The following AUH variants were observed in gnomAD, a reference collection of about 807,000 sequenced individuals.
AUH encodes the protein methylglutaconyl-CoA hydratase, mitochondrial.
AUH carries 29 observed loss-of-function variants against 42.3 expected under a neutral mutation model. The ratio of observed to expected loss-of-function variants is 0.69; its 90% CI spans 0.51 to 0.93. AUH has a LOEUF of 0.93. AUH is among the 40% of genes least tolerant of loss of function. The probability of loss-of-function intolerance (pLI) is 0.00; values close to 1 mark genes in which losing one functional copy is unlikely to be tolerated. For synonymous variants in AUH, 174 were observed against 166.4 expected (o/e 1.05, Z -0.35); for missense variants, 452 against 438.1 (o/e 1.03, Z -0.28).
intron 6 of AUH, among the ~76,000 whole-genome samples, chr9:91,276,919 C>G (rs1285544936): frequency 2.6e-5 from 4 of 152,142 alleles, no homozygotes; most frequent in Non-Finnish European, 5.9e-5. Flanking sequence ...ATGTATTATA[C>G]AACACCTGTA....
chr9:91,294,118 T>A (rs1485611346), intron 6 of AUH, among the ~76,000 whole-genome samples: 3 of 152,220 alleles, frequency 2.0e-5, no homozygotes, highest in Non-Finnish European at 2.9e-5. Flanking sequence ...AAAATATTAC[T>A]GTTCAGTGAC....
At chr9:91,233,358 A>G (rs1587655547) in intron 6 of AUH, among the ~76,000 whole-genome samples, 1 of 152,162 alleles carries the variant, frequency 6.6e-6, no homozygotes, top group South Asian at 2.1e-4. Flanking sequence ...GTGGAGCACA[A>G]GGAGGTCCAG....
chr9:91,302,783 A>G (rs567793882), intron 4 of AUH, among the ~76,000 whole-genome samples: 3 of 152,322 alleles, frequency 2.0e-5, no homozygotes, highest in Admixed American at 2.0e-4. Flanking sequence ...AAAAGGAAAA[A>G]AAATGTTAAT....
chr9:91,339,337 T>C (rs935200635), intron 3 of AUH, among the ~76,000 whole-genome samples: 16 of 152,216 alleles, frequency 1.1e-4, no homozygotes, highest in Admixed American at 8.5e-4. Context: ...GTACTGTCAA[T>C]AGGTAATAAG....
intron 4 of AUH, among the ~76,000 whole-genome samples, chr9:91,318,668 T>C (rs1829342535): frequency 1.3e-5 from 2 of 152,288 alleles, no homozygotes; most frequent in South Asian, 4.1e-4. Context: ...CTGCGACTGA[T>C]TTGGCATGGT....
intron 7 of AUH, chr9:91,218,580 C>T: frequency 3.4e-5 from 33 of 978,266 alleles, no homozygotes; most frequent in Non-Finnish European, 4.0e-5. Flanking sequence ...GCTGCTGGTC[C>T]ACAGACCACA....
intron 6 of AUH, among the ~76,000 whole-genome samples, chr9:91,280,716 A>G (rs572875369): frequency 6.6e-6 from 1 of 152,334 alleles, no homozygotes; most frequent in Non-Finnish European, 1.5e-5. Flanking sequence ...ATTCAAATAT[A>G]CACACTGAGG....
chr9:91,335,432 T>C (rs1303386733), intron 3 of AUH, among the ~76,000 whole-genome samples: 1 of 152,232 alleles, frequency 6.6e-6, no homozygotes, highest in African/African-American at 2.4e-5. Flanking sequence ...ATATTGTGTA[T>C]TTTTTCCCTC....
intron 4 of AUH, among the ~76,000 whole-genome samples, chr9:91,300,846 C>T (rs1387520530): frequency 6.6e-6 from 1 of 152,216 alleles, no homozygotes; most frequent in Non-Finnish European, 1.5e-5. Flanking sequence ...GAATGCCTAG[C>T]TAGCCCCTAC....
chr9:91,308,590 T>C (rs1828415728), intron 4 of AUH, among the ~76,000 whole-genome samples: 1 of 152,186 alleles, frequency 6.6e-6, no homozygotes, highest in Non-Finnish European at 1.5e-5. Context: ...AAATTTCTAA[T>C]AATTACATCA....
At chr9:91,349,703 CAG>C (rs202214647) in intron 3 of AUH, among the ~76,000 whole-genome samples, 14,067 of 135,274 alleles carry the variant, frequency 0.1, 925 homozygotes, top group East Asian at 0.34. Flanking sequence ...CACACACACA[CAG>C]AGAGAAGAGA....
chr9:91,349,281 T>C (rs918362550), intron 3 of AUH, among the ~76,000 whole-genome samples: 3 of 152,242 alleles, frequency 2.0e-5, no homozygotes, highest in African/African-American at 4.8e-5. Context: ...TACTTTTTTA[T>C]AAAACCCACA....
At chr9:91,268,867 A>C (rs1427476947) in intron 6 of AUH, among the ~76,000 whole-genome samples, 9 of 152,268 alleles carry the variant, frequency 5.9e-5, no homozygotes, top group Non-Finnish European at 1.3e-4. Flanking sequence ...AAGGATATGC[A>C]TAATACAATA....
chr9:91,280,529 CAATT>C (rs1440666592), intron 6 of AUH, among the ~76,000 whole-genome samples: 13 of 152,122 alleles, frequency 8.5e-5, no homozygotes, highest in South Asian at 4.1e-4. Flanking sequence ...CCAAAATCAC[CAATT>C]AATTAGATTC....
chr9:91,327,539 C>A (rs1308443921), intron 3 of AUH, among the ~76,000 whole-genome samples: 1 of 152,182 alleles, frequency 6.6e-6, no homozygotes, highest in Admixed American at 6.5e-5. Flanking sequence ...CCTCTCACAG[C>A]TGAGAGCTTT....
intron 1 of AUH, among the ~76,000 whole-genome samples, chr9:91,358,779 T>G (rs1179505490): frequency 6.6e-6 from 1 of 152,228 alleles, no homozygotes; most frequent in African/African-American, 2.4e-5. Context: ...ACTTGATGTT[T>G]TGAGTACTTC....
intron 6 of AUH, among the ~76,000 whole-genome samples, chr9:91,237,824 T>C (rs1432637395): frequency 6.6e-6 from 1 of 152,210 alleles, no homozygotes; most frequent in Non-Finnish European, 1.5e-5. Context: ...TGATTCCTTT[T>C]AGTGGAGCTA....
chr9:91,272,231 T>TA (rs1193462449), intron 6 of AUH, among the ~76,000 whole-genome samples: 2 of 152,340 alleles, frequency 1.3e-5, no homozygotes, highest in Non-Finnish European at 2.9e-5. Flanking sequence ...ATTTTTATAG[T>TA]AAAGTATTTA....
chr9:91,276,101 C>T (rs7043392), intron 6 of AUH, among the ~76,000 whole-genome samples: 3,884 of 151,896 alleles, frequency 0.026, 79 homozygotes, highest in East Asian at 0.059. Flanking sequence ...TAATGGGGTA[C>T]ATAATATTAT....
Sources: allele counts gnomAD v4.1 joint callset (sites outside exome capture counted in the v4.1 genomes callset), GRCh38; gene constraint gnomAD v4.1.1; transcripts MANE v1.5; gene names NCBI Gene and HGNC (gene_info 2026-07-23, HGNC 2026-07-21).